BICC1: variants seen among roughly 807,000 people sequenced by gnomAD.
The protein encoded by BICC1 is protein bicaudal C homolog 1.
BICC1 carries 43 observed loss-of-function variants against 111.0 expected under a neutral mutation model. That is an observed-to-expected ratio of 0.39 (90% CI 0.30 to 0.50). The LOEUF (loss-of-function observed/expected upper bound fraction) is 0.50, where lower values mean the gene tolerates loss of function less well. Among genes scored for constraint, BICC1 ranks in the 20% least tolerant of loss-of-function variants. The pLI is 0.88. For missense variants in BICC1, 1,091 were observed against 1,203.2 expected (o/e 0.91, Z 1.38); for synonymous variants, 467 against 434.4 (o/e 1.07, Z -0.93).
At chr10:58,695,730 G>A (rs897243785) in intron 2 of BICC1, among the ~76,000 whole-genome samples, 2 of 152,086 alleles carry the variant, frequency 1.3e-5, no homozygotes, top group Non-Finnish European at 2.9e-5. Context: ...GATATTATCC[G>A]GTAATTGCTG....
intron 1 of BICC1, among the ~76,000 whole-genome samples, chr10:58,615,903 A>G (rs1471698539): frequency 6.6e-6 from 1 of 152,136 alleles, no homozygotes; most frequent in Non-Finnish European, 1.5e-5. Context: ...CCTGAGAAGG[A>G]GTGAGCTTTT....
chr10:58,629,978 G>T (rs762679652), intron 2 of BICC1, among the ~76,000 whole-genome samples: 2 of 152,172 alleles, frequency 1.3e-5, no homozygotes, highest in Non-Finnish European at 2.9e-5. Flanking sequence ...CTTGCTGCAT[G>T]AAAAAGGAGA....
At chr10:58,638,042 C>T (rs990365091) in intron 2 of BICC1, among the ~76,000 whole-genome samples, 1 of 151,876 alleles carries the variant, frequency 6.6e-6, no homozygotes, top group Non-Finnish European at 1.5e-5. Flanking sequence ...TTTAAAGTTT[C>T]TAATACTAAA....
intron 2 of BICC1, among the ~76,000 whole-genome samples, chr10:58,638,094 G>GA (rs1462447219): frequency 6.6e-6 from 1 of 151,858 alleles, no homozygotes; most frequent in Non-Finnish European, 1.5e-5. Flanking sequence ...TGTTTTGGAG[G>GA]AAAAAAAGAA....
chr10:58,577,353 C>T (rs1328999599), intron 1 of BICC1, among the ~76,000 whole-genome samples: 1 of 152,194 alleles, frequency 6.6e-6, no homozygotes, highest in Non-Finnish European at 1.5e-5. Flanking sequence ...GCCAAAGCCT[C>T]TTGCTTTTTC....
chr10:58,606,313 T>TC (rs1564509645), intron 1 of BICC1, among the ~76,000 whole-genome samples: 2 of 151,908 alleles, frequency 1.3e-5, no homozygotes, highest in Non-Finnish European at 2.9e-5. Flanking sequence ...GTAATTTTTT[T>TC]CCCCTTGCAA....
At chr10:58,771,313 A>T (rs1337397026) in intron 3 of BICC1, among the ~76,000 whole-genome samples, 1 of 152,232 alleles carries the variant, frequency 6.6e-6, no homozygotes, top group Non-Finnish European at 1.5e-5. Flanking sequence ...GGAAATAGAT[A>T]TCAGTCACTC....
chr10:58,536,736 A>G (rs1158027114), intron 1 of BICC1, among the ~76,000 whole-genome samples: 1 of 151,658 alleles, frequency 6.6e-6, no homozygotes, highest in Non-Finnish European at 1.5e-5. Flanking sequence ...AATTGAAAAG[A>G]CAGTACAAAA....
intron 2 of BICC1, among the ~76,000 whole-genome samples, chr10:58,690,162 T>A (rs1839870012): frequency 6.6e-6 from 1 of 152,110 alleles, no homozygotes; most frequent in Non-Finnish European, 1.5e-5. Context: ...CCTTCCTTAA[T>A]CCCTCCCCAC....
chr10:58,622,131 A>G (rs1374536955), intron 2 of BICC1, among the ~76,000 whole-genome samples: 1 of 144,418 alleles, frequency 6.9e-6, no homozygotes, highest in African/African-American at 2.6e-5. Context: ...GCAGTGAGCC[A>G]TGATCGTGCC....
At chr10:58,794,423 T>G (rs988876749) in intron 9 of BICC1, among the ~76,000 whole-genome samples, 10 of 151,688 alleles carry the variant, frequency 6.6e-5, no homozygotes, top group Non-Finnish European at 1.3e-4. Context: ...AATAAATGTT[T>G]TTTTTTTTTT....
At chr10:58,564,159 C>T (rs1843688429) in intron 1 of BICC1, among the ~76,000 whole-genome samples, 2 of 152,092 alleles carry the variant, frequency 1.3e-5, no homozygotes, top group South Asian at 4.1e-4. Flanking sequence ...TTTGGTCACT[C>T]TTCTTTTTCC....
At chr10:58,568,430 G>A (rs1467741254) in intron 1 of BICC1, among the ~76,000 whole-genome samples, 1 of 152,160 alleles carries the variant, frequency 6.6e-6, no homozygotes, top group Admixed American at 6.6e-5. Flanking sequence ...GGTCACATTT[G>A]TTCCAAGGCC....
At position 58,806,680 on chromosome 10, in the gene BICC1, T is replaced by A. The variant is rs1048112630; in HGVS notation, c.2221+57T>A. 23 of 1,421,050 alleles carry A rather than the reference T, an allele frequency of 1.6e-5. No individual in the cohort carries two copies. In the African/African-American group the frequency reaches 3.0e-4, roughly 18 times the overall value. 88.0% of individuals were successfully genotyped at this position (1,421,050 alleles called of 1,614,324 possible). On this transcript the variant is annotated intron_variant, in intron 16 of 20. Coordinates refer to ENST00000373886, the MANE Select transcript of BICC1 (RefSeq NM_001080512.3). ...TATATTTTAGTACACTCATAAATGT[T>A]TTTTGAGTACTCATGGTGAATCGAG...
chr10:58,548,236 C>T (rs548438914), intron 1 of BICC1, among the ~76,000 whole-genome samples: 25 of 152,258 alleles, frequency 1.6e-4, no homozygotes, highest in Admixed American at 6.5e-4. Flanking sequence ...CCAAGAGCCA[C>T]GATCCATTTG....
chr10:58,805,951 A>T (rs1276654272), intron 15 of BICC1, among the ~76,000 whole-genome samples: 1 of 152,240 alleles, frequency 6.6e-6, no homozygotes, highest in Non-Finnish European at 1.5e-5. Context: ...TTTTAATGGA[A>T]TGAATCAATG....
At chr10:58,671,025 G>A (rs536681865) in intron 2 of BICC1, among the ~76,000 whole-genome samples, 57 of 152,148 alleles carry the variant, frequency 3.7e-4, no homozygotes, top group African/African-American at 1.2e-3. Flanking sequence ...CTTCTCTCTC[G>A]TCTTCCCTTT....
chr10:58,561,049 G>C (rs1843590353), intron 1 of BICC1, among the ~76,000 whole-genome samples: 1 of 151,916 alleles, frequency 6.6e-6, no homozygotes, highest in African/African-American at 2.4e-5. Flanking sequence ...AGGTCCATTT[G>C]GTCTGTGATG....
intron 17 of BICC1, among the ~76,000 whole-genome samples, chr10:58,809,172 G>A (rs1589160988): frequency 1.3e-5 from 2 of 150,890 alleles, no homozygotes; most frequent in Non-Finnish European, 1.5e-5. Context: ...ACAGGCATGC[G>A]CCACAACGCT....
Sources: gnomAD v4.1 joint callset for allele counts (sites outside exome capture counted in the v4.1 genomes callset) on GRCh38, gnomAD v4.1.1 for gene constraint, MANE v1.5 for transcripts, NCBI Gene and HGNC (gene_info 2026-07-23, HGNC 2026-07-21) for gene names.